The following ACTN2 variants were observed in gnomAD, a reference collection of about 807,000 sequenced individuals.
ACTN2 encodes actinin alpha 2.
In ACTN2, 39 loss-of-function variants were observed where a neutral mutation model predicts 113.8. The observed-to-expected ratio is 0.34, with a 90% CI of 0.27 to 0.45. The LOEUF (loss-of-function observed/expected upper bound fraction) is 0.45, where lower values mean the gene tolerates loss of function less well. Among genes scored for constraint, ACTN2 ranks in the 20% least tolerant of loss-of-function variants. The probability of loss-of-function intolerance (pLI) is 1.00; values close to 1 mark genes in which losing one functional copy is unlikely to be tolerated. For missense variants in ACTN2, 992 were observed against 1,177.9 expected (o/e 0.84, Z 2.31); for synonymous variants, 429 against 444.1 (o/e 0.97, Z 0.43).
chr1:236,744,797 T>G, intron 12 of ACTN2, 21 bp downstream of exon 12: 2 of 1,613,848 alleles, frequency 1.2e-6, no homozygotes, highest in Non-Finnish European at 1.7e-6. Flanking sequence ...ATGCCCTCCG[T>G]CCTCCCGGGA....
chr1:236,761,432 CGT>C (rs3831321), intron 20 of ACTN2, among the ~76,000 whole-genome samples: 90 of 150,514 alleles, frequency 6.0e-4, no homozygotes, highest in African/African-American at 1.8e-3. Context: ...TTTGTACTTG[CGT>C]GTGTGTGTGT....
chr1:236,747,936 G>A, intron 13 of ACTN2, 161 bp downstream of exon 13: 1 of 654,132 alleles, frequency 1.5e-6, no homozygotes. Context: ...AGGGAAATGG[G>A]AAGTTGGGAG....
At chr1:236,745,397 G>A (rs927941210) in intron 12 of ACTN2, among the ~76,000 whole-genome samples, 17 of 152,158 alleles carry the variant, frequency 1.1e-4, no homozygotes, top group African/African-American at 3.9e-4. Context: ...TCGCGCCACT[G>A]CACTCCAGCC....
Position 236,749,111 on chromosome 1 carries a change from C to G in ACTN2, c.1516-13C>G. On this transcript the variant is annotated splice_polypyrimidine_tract_variant and intron_variant, in intron 13 of 20. Transcript: ENST00000366578. ...TTAGTCTATGATAATGCTTGCTTCT[C>G]TTTATTCTTTAGAGAATGGAGAAAT... 6.2e-7 allele frequency: 1 copy of G among 1,614,030 alleles called. No homozygotes were observed. The highest frequency in any genetic ancestry group is 1.3e-5 in the African/African-American group (1 of 75,044).
At chr1:236,744,318 G>A (rs757572074) in intron 11 of ACTN2, among the ~76,000 whole-genome samples, 1 of 152,190 alleles carries the variant, frequency 6.6e-6, no homozygotes, top group Non-Finnish European at 1.5e-5. Flanking sequence ...GATCATGCAG[G>A]AATCAGATAC....
intron 4 of ACTN2, 122 bp downstream of exon 4, chr1:236,720,313 T>C: frequency 1.2e-6 from 1 of 804,026 alleles, no homozygotes; most frequent in Non-Finnish European, 2.1e-6. Context: ...GACATGTAAG[T>C]GGGTTCTTAT....
chr1:236,687,122 G>A (rs1020967922), intron 1 of ACTN2, among the ~76,000 whole-genome samples: 1 of 151,978 alleles, frequency 6.6e-6, no homozygotes, highest in Admixed American at 6.5e-5. Context: ...TGTGACCTTG[G>A]CCCCCGAGTT....
Position 236,749,112 on chromosome 1 carries a change from T to A in ACTN2, c.1516-12T>A, listed in dbSNP as rs1283651514. ...TAGTCTATGATAATGCTTGCTTCTC[T>A]TTATTCTTTAGAGAATGGAGAAATT... is the stretch of plus-strand genomic sequence containing the variant. On this transcript the variant is annotated splice_polypyrimidine_tract_variant and intron_variant, in intron 13 of 20. Transcript: ENST00000366578. 1 of 1,614,092 alleles carries A rather than the reference T, an allele frequency of 6.2e-7. No individual in the cohort carries two copies. Among genetic ancestry groups the A allele is most frequent in the South Asian group, 1.1e-5 (1 of 91,086 alleles).
chr1:236,718,540 G>A (rs976892841), intron 2 of ACTN2, among the ~76,000 whole-genome samples: 1 of 152,140 alleles, frequency 6.6e-6, no homozygotes, highest in African/African-American at 2.4e-5. Flanking sequence ...ATTTTAACTG[G>A]CCATCCTGAC....
At chr1:236,755,264 C>T (rs1659521618) in intron 17 of ACTN2, 66 bp downstream of exon 17, 1 of 1,575,348 alleles carries the variant, frequency 6.3e-7, no homozygotes, top group Non-Finnish European at 8.7e-7. Context: ...CCTCAGGGTG[C>T]TTTCTTCATG....
intron 7 of ACTN2, chr1:236,734,410 T>A (rs957601829): frequency 1.3e-5 from 20 of 1,510,420 alleles, no homozygotes; most frequent in Non-Finnish European, 1.7e-5. Context: ...ATCCACGCGG[T>A]TAACCTTCTT....
At chr1:236,744,538 A>T in intron 11 of ACTN2, 88 bp from the exon 12 acceptor site, 1 of 1,501,614 alleles carries the variant, frequency 6.7e-7, no homozygotes, top group African/African-American at 1.4e-5. Flanking sequence ...GGTTCTTTGG[A>T]ATCTCACCGC....
intron 12 of ACTN2, among the ~76,000 whole-genome samples, chr1:236,745,930 G>A (rs1410261313): frequency 2.0e-5 from 3 of 152,126 alleles, no homozygotes; most frequent in South Asian, 2.1e-4. Context: ...TTGGGAGGCT[G>A]AGGTGGGCTG....
chr1:236,739,492 A>G lies in ACTN2; in HGVS notation c.1067A>G (p.Asn356Ser), dbSNP rs747874677. The change falls in exon 10 of 21, where the codon AAC becomes AGC. Residue 356 changes from asparagine to serine, a missense_variant. Transcript: ENST00000366578. ...NTLQTKLRIS[N>S]RPAFMPSEGK... ...CTGCAGACCAAGCTGCGGATCAGCA[A>G]CCGTCCTGCCTTCATGCCCTCCGAG... 6.2e-7 allele frequency: 1 copy of G among 1,614,036 alleles called. No individual in the cohort carries two copies. The highest frequency in any genetic ancestry group is 1.7e-5 in the Admixed American group (1 of 60,008).
chr1:236,727,617 A>T, intron 5 of ACTN2, 61 bp from the exon 6 acceptor site: 2 of 1,573,532 alleles, frequency 1.3e-6, no homozygotes, highest in Non-Finnish European at 1.7e-6. Flanking sequence ...CTGAGTGCAG[A>T]TGCTGGCTGC....
At chr1:236,751,036 G>C (rs527831406) in intron 14 of ACTN2, among the ~76,000 whole-genome samples, 1 of 142,274 alleles carries the variant, frequency 7.0e-6, no homozygotes, top group Non-Finnish European at 1.5e-5. Flanking sequence ...GCTGCAGTGA[G>C]CCATGATTGC....
chr1:236,713,236 T>C (rs940204493), intron 1 of ACTN2, among the ~76,000 whole-genome samples: 6 of 151,800 alleles, frequency 4.0e-5, no homozygotes, highest in African/African-American at 1.5e-4. Context: ...CTTTTTTTTT[T>C]TTTCTTTTGA....
intron 9 of ACTN2, among the ~76,000 whole-genome samples, chr1:236,738,848 A>G (rs1658972108): frequency 6.6e-6 from 1 of 152,260 alleles, no homozygotes. Flanking sequence ...TTGTGTAGTA[A>G]GTAATCTAAT....
intron 6 of ACTN2, among the ~76,000 whole-genome samples, chr1:236,728,850 C>T (rs1286609246): frequency 6.6e-6 from 1 of 152,102 alleles, no homozygotes. Context: ...ACTGTGATCA[C>T]ACCACTGCCC....
Sources: gnomAD v4.1 joint callset for allele counts (sites outside exome capture counted in the v4.1 genomes callset) on GRCh38, gnomAD v4.1.1 for gene constraint, MANE v1.5 for transcripts, NCBI Gene and HGNC (gene_info 2026-07-23, HGNC 2026-07-21) for gene names.